DGKB: variants seen among roughly 807,000 people sequenced by gnomAD.
DGKB encodes the protein 90 kDa diacylglycerol kinase.
DGKB carries 67 observed loss-of-function variants against 114.3 expected under a neutral mutation model. The observed-to-expected ratio is 0.59, with a 90% confidence interval of 0.48 to 0.72. The LOEUF (loss-of-function observed/expected upper bound fraction) is 0.72, where lower values mean the gene tolerates loss of function less well. Among genes scored for constraint, DGKB ranks in the 30% least tolerant of loss-of-function variants. The pLI is 0.00. For synonymous variants in DGKB, 398 were observed against 323.1 expected, an observed-to-expected ratio of 1.23 and a Z score of -2.49; for missense variants, 907 against 975.2, an observed-to-expected ratio of 0.93 and a Z score of 0.93.
At chr7:14,733,935 G>A (rs952090243) in intron 5 of DGKB, among the ~76,000 whole-genome samples, 1 of 151,920 alleles carries the variant, frequency 6.6e-6, no homozygotes, top group Non-Finnish European at 1.5e-5. Context: ...TTTCATTTAT[G>A]GCTCAACCAT....
chr7:14,321,917 A>T (rs1474577259), intron 23 of DGKB, among the ~76,000 whole-genome samples: 1 of 152,240 alleles, frequency 6.6e-6, no homozygotes, highest in African/African-American at 2.4e-5. Context: ...TTCACCATTT[A>T]GAAGACTCAG....
intron 20 of DGKB, among the ~76,000 whole-genome samples, chr7:14,540,638 A>G (rs2128618058): frequency 6.6e-6 from 1 of 152,308 alleles, no homozygotes; most frequent in Middle Eastern, 3.4e-3. Context: ...TTAGTTTACT[A>G]TTTGAGTTAC....
At chr7:14,187,462 G>C (rs1360025036) in intron 23 of DGKB, among the ~76,000 whole-genome samples, 2 of 152,152 alleles carry the variant, frequency 1.3e-5, no homozygotes, top group Non-Finnish European at 2.9e-5. Context: ...CCAACAGCTG[G>C]TCCAGTGATA....
intron 23 of DGKB, among the ~76,000 whole-genome samples, chr7:14,337,871 A>G (rs1189446744): frequency 6.6e-6 from 1 of 152,160 alleles, no homozygotes; most frequent in Non-Finnish European, 1.5e-5. Flanking sequence ...TCTAAGAATT[A>G]GGTATCATGT....
At chr7:14,948,466 G>A (rs1786003052) in intron 1 of DGKB, among the ~76,000 whole-genome samples, 1 of 151,636 alleles carries the variant, frequency 6.6e-6, no homozygotes, top group Non-Finnish European at 1.5e-5. Flanking sequence ...GTGATACAAG[G>A]CAAGAAAAAT....
intron 23 of DGKB, among the ~76,000 whole-genome samples, chr7:14,204,205 A>G (rs1407815216): frequency 6.6e-6 from 1 of 151,986 alleles, no homozygotes; most frequent in Admixed American, 6.6e-5. Context: ...TAAATTACAT[A>G]CTGTACTTTA....
At chr7:14,887,995 G>C (rs925160936) in intron 1 of DGKB, among the ~76,000 whole-genome samples, 7 of 151,612 alleles carry the variant, frequency 4.6e-5, no homozygotes, top group African/African-American at 1.7e-4. Flanking sequence ...CTGTTGAATG[G>C]GAGTTATTAA....
chr7:14,244,431 C>T (rs112063234), intron 23 of DGKB, among the ~76,000 whole-genome samples: 6,983 of 151,376 alleles, frequency 0.046, 428 homozygotes, highest in African/African-American at 0.14. Context: ...CTGAGGTGGG[C>T]GGATCACAAG....
At chr7:14,316,190 C>G (rs1379423141) in intron 23 of DGKB, among the ~76,000 whole-genome samples, 1 of 151,860 alleles carries the variant, frequency 6.6e-6, no homozygotes, top group African/African-American at 2.4e-5. Context: ...AGGAAAGATC[C>G]AAAACTGACA....
intron 13 of DGKB, among the ~76,000 whole-genome samples, chr7:14,666,672 A>AT (rs1230584882): frequency 6.6e-6 from 1 of 151,986 alleles, no homozygotes; most frequent in East Asian, 1.9e-4. Context: ...TGGAAGTAAA[A>AT]TAAGGGGAGG....
At chr7:14,940,113 T>C (rs1186353323) in intron 1 of DGKB, among the ~76,000 whole-genome samples, 1 of 152,146 alleles carries the variant, frequency 6.6e-6, no homozygotes, top group African/African-American at 2.4e-5. Flanking sequence ...TAAAAAATGA[T>C]GGTCTTATTT....
At chr7:14,457,498 C>T (rs1183731752) in intron 21 of DGKB, among the ~76,000 whole-genome samples, 1 of 152,168 alleles carries the variant, frequency 6.6e-6, no homozygotes, top group Non-Finnish European at 1.5e-5. Context: ...GCTATTATTT[C>T]TAAACTGAAT....
chr7:14,855,199 T>G (rs905305629), intron 1 of DGKB, among the ~76,000 whole-genome samples: 2 of 152,122 alleles, frequency 1.3e-5, no homozygotes, highest in Non-Finnish European at 2.9e-5. Flanking sequence ...AGCAGAGAAA[T>G]AGCATGCCTC....
intron 20 of DGKB, among the ~76,000 whole-genome samples, chr7:14,548,990 A>C (rs1281473061): frequency 1.3e-5 from 2 of 151,764 alleles, no homozygotes. Flanking sequence ...AATGAGGAGG[A>C]GTGAAATAAC....
intron 20 of DGKB, among the ~76,000 whole-genome samples, chr7:14,518,909 T>C (rs1455332897): frequency 6.6e-6 from 1 of 152,060 alleles, no homozygotes; most frequent in Non-Finnish European, 1.5e-5. Flanking sequence ...AGGTATGGGA[T>C]AGGGTCAGAG....
intron 1 of DGKB, among the ~76,000 whole-genome samples, chr7:14,875,462 C>T (rs1041552404): frequency 6.6e-6 from 1 of 151,980 alleles, no homozygotes; most frequent in Non-Finnish European, 1.5e-5. Context: ...TGAAATATAC[C>T]AATTTGCAAC....
rs552730384 is a variant in DGKB at position 14,585,495 on chromosome 7, G to A, written c.1434-2358C>T. ...ATGTTGTAGCTGAAGCTTTTCCCAC[G>A]TGTAGCTGAAGTTCTTTCTACTTCT... On this transcript the variant is annotated intron_variant, in intron 17 of 25. Coordinates refer to ENST00000402815, the MANE Select transcript of DGKB (RefSeq NM_001350709.2). 1.3e-4 allele frequency among the ~76,000 whole-genome samples: 20 copies of A among 152,196 alleles called. No individual in the cohort carries two copies. The South Asian group carries it at 3.3e-3, about 25-fold the overall frequency.
Position 14,697,294 on chromosome 7 carries a change from T to C in DGKB, c.591+801A>G, listed in dbSNP as rs147200826. ...TAATTTTAACATATTTGGGTCTCAA[T>C]TTACTTCTCTGCAAAAGGGAAAAAA... On this transcript the variant is annotated intron_variant, in intron 8 of 25. Transcript: ENST00000402815. 6.8e-3 allele frequency among the ~76,000 whole-genome samples: 1,041 copies of C among 152,252 alleles called. 10 individuals carry two copies. Among genetic ancestry groups the C allele is most frequent in the African/African-American group, 0.023 (966 of 41,558 alleles).
intron 1 of DGKB, among the ~76,000 whole-genome samples, chr7:14,881,613 T>A (rs1404199771): frequency 1.3e-5 from 2 of 152,222 alleles, no homozygotes; most frequent in South Asian, 4.2e-4. Flanking sequence ...GTATTATGTG[T>A]GTAGAATGCT....
Sources: allele counts gnomAD v4.1 joint callset (sites outside exome capture counted in the v4.1 genomes callset), GRCh38; gene constraint gnomAD v4.1.1; transcripts MANE v1.5; gene names NCBI Gene and HGNC (gene_info 2026-07-23, HGNC 2026-07-21).